Variants in SPSB1 observed in about 807,000 individuals in gnomAD.
SPSB1 encodes SPRY domain-containing SOCS box protein 1.
A neutral mutation model predicts 21.2 loss-of-function variants in SPSB1; 8 were observed. The observed-to-expected ratio is 0.38, with a 90% confidence interval of 0.22 to 0.68. The LOEUF is 0.68. SPSB1 is among the 30% of genes least tolerant of loss of function. The probability of loss-of-function intolerance (pLI) is 0.53; values close to 1 mark genes in which losing one functional copy is unlikely to be tolerated. For missense variants in SPSB1, 242 were observed against 377.8 expected (o/e 0.64, Z 2.98); for synonymous variants, 169 against 161.7 (o/e 1.05, Z -0.34).
chr1:9,330,242 C>T (rs917922219), intron 1 of SPSB1, among the ~76,000 whole-genome samples: 3 of 152,038 alleles, frequency 2.0e-5, no homozygotes, highest in Non-Finnish European at 4.4e-5. Flanking sequence ...CTGAGGCGGG[C>T]GGATCACCTG....
At chr1:9,296,869 C>A (rs941354296) in intron 1 of SPSB1, among the ~76,000 whole-genome samples, 2 of 152,214 alleles carry the variant, frequency 1.3e-5, no homozygotes, top group Non-Finnish European at 2.9e-5. Flanking sequence ...TGCTGCCAAC[C>A]CCCTGAAACC....
intron 1 of SPSB1, among the ~76,000 whole-genome samples, chr1:9,316,108 C>A (rs1011979431): frequency 2.6e-5 from 4 of 152,322 alleles, no homozygotes; most frequent in African/African-American, 4.8e-5. Flanking sequence ...CTGCTGAGGG[C>A]ACCACGGTGG....
intron 2 of SPSB1, among the ~76,000 whole-genome samples, chr1:9,364,921 G>A (rs542326329): frequency 3.9e-5 from 6 of 151,914 alleles, no homozygotes; most frequent in East Asian, 1.9e-4. Flanking sequence ...GTGTGATCTC[G>A]GGTCACTGCA....
In SPSB1 at chr1:9,348,026, C is replaced by T. The variant is rs663419; in HGVS notation, c.-149-7717C>T. 4.6e-3 allele frequency among the ~76,000 whole-genome samples: 692 copies of T among 151,564 alleles called. 7 individuals are homozygous for T. Among genetic ancestry groups the T allele is most frequent in the African/African-American group, 0.016 (644 of 41,274 alleles). On this transcript the variant is annotated intron_variant, in intron 1 of 2. Coordinates refer to ENST00000328089, the MANE Select transcript of SPSB1 (RefSeq NM_025106.4). This position sits in a 1 kb window ranked among gnomAD's most constrained non-coding sequence, Gnocchi z 4.8. ...GTGGTGCGATCTCGGCTCACTGCAA[C>T]CTCCGCCTCCTGGGTTCAAGTGATT...
At chr1:9,344,534 A>G (rs999574246) in intron 1 of SPSB1, among the ~76,000 whole-genome samples, 3 of 152,140 alleles carry the variant, frequency 2.0e-5, no homozygotes, top group Non-Finnish European at 4.4e-5. Context: ...CACGATTCCA[A>G]GCTATCAGGT....
chr1:9,298,026 C>G (rs622662), intron 1 of SPSB1, among the ~76,000 whole-genome samples: 89,460 of 152,012 alleles, frequency 0.59, 26,951 homozygotes, highest in South Asian at 0.69. Flanking sequence ...TGGAGTGCAG[C>G]GGCCAAGTGG....
chr1:9,339,346 A>G (rs1640054116), intron 1 of SPSB1: 1 of 968,410 alleles, frequency 1.0e-6, no homozygotes, highest in Non-Finnish European at 1.2e-6. Flanking sequence ...GACTTCAGCT[A>G]GGACTTAGGG....
In SPSB1 at chr1:9,355,857, T is replaced by A. The variant is rs1187121907; in HGVS notation, c.-35T>A. 6.6e-7 allele frequency: 1 copy of A among 1,519,876 alleles called. No homozygotes were observed. Among genetic ancestry groups the A allele is most frequent in the East Asian group, 2.3e-5 (1 of 43,844 alleles). The allele number at this position is 1,519,876 out of a possible 1,614,324, so 94.1% of individuals were successfully genotyped here. ...GACCACGAGATTGATGAGTTTGCCT[T>A]GGGAGTCGGTAAGAAGGTGAAGCCA... On this transcript the variant is annotated 5_prime_UTR_variant, in exon 2 of 3. Transcript: ENST00000328089.
At position 9,367,173 on chromosome 1, in the gene SPSB1, A is replaced by G. The variant is rs528059147; in HGVS notation, c.695-275A>G. Among the ~76,000 whole-genome samples, 57 of 152,332 alleles carry G rather than the reference A, an allele frequency of 3.7e-4. No homozygotes were observed. Among genetic ancestry groups the G allele is most frequent in the African/African-American group, 1.3e-3 (54 of 41,580 alleles). On this transcript the variant is annotated intron_variant, in intron 2 of 2. Coordinates refer to ENST00000328089, the MANE Select transcript of SPSB1 (RefSeq NM_025106.4). The surrounding 1 kb of genome is among the most constrained non-coding windows in gnomAD (Gnocchi z 5.9). ...CATCTGTAAAATGGGGATGAAGGTA[A>G]TGGTGTCTCTGTGACTATTAAGTCA...
Position 9,309,235 on chromosome 1 carries a change from C to T in SPSB1, c.-150+16164C>T, listed in dbSNP as rs528168198. ...GAGATGTGCAGATAAGCTAGATCCC[C>T]CCTCAATTCCTGTGTGCTCCCCTGC... On this transcript the variant is annotated intron_variant, in intron 1 of 2. Transcript: ENST00000328089. Among the ~76,000 whole-genome samples the T allele has an allele frequency of 5.9e-4, 89 of 151,752 alleles. 2 individuals carry two copies. The highest frequency in any genetic ancestry group is 2.0e-3 in the African/African-American group (84 of 41,326).
Position 9,356,476 on chromosome 1 carries a change from G to T in SPSB1, c.585G>T (p.Gln195His). The T allele has an allele frequency of 6.2e-7, 1 of 1,614,038 alleles. No individual in the cohort carries two copies. Among genetic ancestry groups the T allele is most frequent in the African/African-American group, 1.3e-5 (1 of 75,062 alleles). The change falls in exon 2 of 3, where the codon CAG becomes CAT. Residue 195 changes from glutamine (Q) to histidine (H), a missense_variant. Physicochemically the swap from Gln to His is conservative, Grantham distance 24. Coordinates refer to ENST00000328089, the MANE Select transcript of SPSB1 (RefSeq NM_025106.4). The surrounding 1 kb of genome is among the most constrained non-coding windows in gnomAD (Gnocchi z 7.4). ...DGTLSFIVDGQYMGVAFRGLK... is the reference protein window; with the variant it reads ...DGTLSFIVDGHYMGVAFRGLK... ...CTCTGAGCTTCATTGTGGATGGACA[G>T]TACATGGGAGTGGCTTTTCGGGGAC... is the stretch of plus-strand genomic sequence containing the variant.
chr1:9,325,225 A>ACCCCCC (rs33978312), intron 1 of SPSB1, among the ~76,000 whole-genome samples: 1 of 133,714 alleles, frequency 7.5e-6, no homozygotes, highest in Non-Finnish European at 1.5e-5. Context: ...TCCCACCACC[A>ACCCCCC]CCCCCCCCCC....
rs1237130908 is a variant in SPSB1 at position 9,324,870 on chromosome 1, T to C, written c.-149-30873T>C. On this transcript the variant is annotated intron_variant, in intron 1 of 2. Transcript: ENST00000328089. This position sits in a 1 kb window ranked among gnomAD's most constrained non-coding sequence, Gnocchi z 4.3. ...TCGCCTGGCCGTGGAGCCAGCACGG[T>C]CTTGTCGGATCCAGACCAGACAAAT... Among the ~76,000 whole-genome samples the C allele has an allele frequency of 1.3e-5, 2 of 152,208 alleles. No homozygotes were observed. Among genetic ancestry groups the C allele is most frequent in the African/African-American group, 4.8e-5 (2 of 41,444 alleles).
At chr1:9,333,745 C>T (rs776217613) in intron 1 of SPSB1, among the ~76,000 whole-genome samples, 41 of 152,202 alleles carry the variant, frequency 2.7e-4, no homozygotes, top group Non-Finnish European at 5.3e-4. Context: ...TTTATTCCAA[C>T]GGAAAGGAAA....
At chr1:9,322,024 C>T (rs1226493581) in intron 1 of SPSB1, among the ~76,000 whole-genome samples, 2 of 152,122 alleles carry the variant, frequency 1.3e-5, no homozygotes, top group East Asian at 3.8e-4. Flanking sequence ...GTGATGTGTA[C>T]CTGGGAATCA....
intron 2 of SPSB1, among the ~76,000 whole-genome samples, chr1:9,357,775 A>G (rs1569656397): frequency 6.6e-6 from 1 of 152,324 alleles, no homozygotes. Flanking sequence ...TGAAGGCTCC[A>G]TGGCTGCCCA....
rs188290841 is a variant in SPSB1, at chr1:9,321,213, G to A, written c.-150+28142G>A. On this transcript the variant is annotated intron_variant, in intron 1 of 2. Transcript: ENST00000328089. This position sits in a 1 kb window ranked among gnomAD's most constrained non-coding sequence, Gnocchi z 4.8. ...TTTAGTCTGCAGAGGCGTCTCAGGC[G>A]GTGGGCCTTAAACATTTACATTCTT... is the stretch of plus-strand genomic sequence containing the variant. 9.9e-5 allele frequency among the ~76,000 whole-genome samples: 15 copies of A among 152,126 alleles called. No homozygotes were observed. The highest frequency in any genetic ancestry group is 2.9e-4 in the African/African-American group (12 of 41,478).
chr1:9,296,360 C>T (rs1434968853), intron 1 of SPSB1, among the ~76,000 whole-genome samples: 1 of 152,170 alleles, frequency 6.6e-6, no homozygotes, highest in Non-Finnish European at 1.5e-5. Context: ...AGACTTGGCA[C>T]CCAAGCCCTT....
chr1:9,354,155 T>C (rs1175492674), intron 1 of SPSB1, among the ~76,000 whole-genome samples: 1 of 152,018 alleles, frequency 6.6e-6, no homozygotes, highest in Non-Finnish European at 1.5e-5. Context: ...GCTGGCCCCA[T>C]ACTGAAGGGG....
Sources: gnomAD v4.1 joint callset for allele counts (sites outside exome capture counted in the v4.1 genomes callset) on GRCh38, gnomAD v4.1.1 for gene constraint, Gnocchi (gnomAD v3.1) non-coding constraint, MANE v1.5 for transcripts, NCBI Gene and HGNC (gene_info 2026-07-23, HGNC 2026-07-21) for gene names.